Variants in C8orf34 observed in about 807,000 individuals in gnomAD.
The protein encoded by C8orf34 is uncharacterized protein C8orf34.
In C8orf34, 65 loss-of-function variants were observed where a neutral mutation model predicts 68.3. The observed-to-expected ratio is 0.95, with a 90% CI of 0.78 to 1.17. The LOEUF (loss-of-function observed/expected upper bound fraction) is 1.17, where lower values mean the gene tolerates loss of function less well. Among genes scored for constraint, C8orf34 ranks in the 50% most tolerant of loss-of-function variants. C8orf34 has a pLI of 0.00. For missense variants in C8orf34, 664 were observed against 655.4 expected, an observed-to-expected ratio of 1.01 and a Z score of -0.14; for synonymous variants, 244 against 241.2, an observed-to-expected ratio of 1.01 and a Z score of -0.11.
intron 8 of C8orf34, among the ~76,000 whole-genome samples, chr8:68,684,122 T>A (rs187118351): frequency 6.6e-6 from 1 of 152,328 alleles, no homozygotes; most frequent in East Asian, 1.9e-4. Flanking sequence ...TCTTTCATCA[T>A]CTGAATGAAG....
upstream of C8orf34, chr8:68,330,603 A>C: frequency 5.9e-6 from 1 of 168,396 alleles, no homozygotes. Context: ...TTCGAACTGC[A>C]TTTGTAGCTG....
At chr8:68,736,471 G>C (rs943217589) in intron 10 of C8orf34, among the ~76,000 whole-genome samples, 1 of 152,118 alleles carries the variant, frequency 6.6e-6, no homozygotes, top group Non-Finnish European at 1.5e-5. Context: ...ATAGGTGGCA[G>C]TGTAGCTTGC....
intron 9 of C8orf34, among the ~76,000 whole-genome samples, chr8:68,715,967 A>G (rs1298174106): frequency 6.6e-6 from 1 of 152,230 alleles, no homozygotes; most frequent in Admixed American, 6.5e-5. Context: ...TATATACACC[A>G]TGAAATACTA....
intron 11 of C8orf34, among the ~76,000 whole-genome samples, chr8:68,779,259 T>C (rs1022231400): frequency 6.6e-6 from 1 of 151,108 alleles, no homozygotes; most frequent in African/African-American, 2.4e-5. Flanking sequence ...GGAAGCAGCG[T>C]AGTATACTGG....
At chr8:68,409,121 C>T (rs573610974) in intron 1 of C8orf34, among the ~76,000 whole-genome samples, 1 of 152,290 alleles carries the variant, frequency 6.6e-6, no homozygotes, top group African/African-American at 2.4e-5. Context: ...TAGCACATAC[C>T]ATTCTGTACG....
chr8:68,732,880 T>C (rs1049630244), intron 10 of C8orf34, among the ~76,000 whole-genome samples: 1 of 152,146 alleles, frequency 6.6e-6, no homozygotes, highest in Non-Finnish European at 1.5e-5. Flanking sequence ...CTGGCCAATA[T>C]GGCAAAACCC....
chr8:68,747,693 T>A (rs1822550134), intron 10 of C8orf34, among the ~76,000 whole-genome samples: 1 of 152,074 alleles, frequency 6.6e-6, no homozygotes, highest in African/African-American at 2.4e-5. Flanking sequence ...GTGAAGGACC[T>A]CTTCAAGGAG....
rs986544319 is a variant in C8orf34 at position 68,764,690 on chromosome 8, A to G, written c.1405-11709A>G. Among the ~76,000 whole-genome samples, 10 of 152,132 alleles carry G rather than the reference A, an allele frequency of 6.6e-5. No homozygotes were observed. The East Asian group carries it at 1.9e-3, about 29-fold the overall frequency. On this transcript the variant is annotated intron_variant, in intron 10 of 13. Transcript: ENST00000518698. Reference sequence around the variant, plus strand: ...AAGGAGACAAAGAGACAGAAGAGACACTGCCTTTGGGGGCCTCAGGTTTAT... The same window carrying G: ...AAGGAGACAAAGAGACAGAAGAGACGCTGCCTTTGGGGGCCTCAGGTTTAT...
intron 1 of C8orf34, among the ~76,000 whole-genome samples, chr8:68,413,993 T>C (rs531748223): frequency 6.6e-6 from 1 of 152,266 alleles, no homozygotes; most frequent in African/African-American, 2.4e-5. Flanking sequence ...ACTTTAACAA[T>C]TCTTTTTAAT....
At chr8:68,771,836 A>G (rs1233255357) in intron 10 of C8orf34, among the ~76,000 whole-genome samples, 2 of 152,130 alleles carry the variant, frequency 1.3e-5, no homozygotes, top group Non-Finnish European at 2.9e-5. Context: ...TAGCATCTTG[A>G]TCTTACGTGT....
chr8:68,597,711 T>A (rs1817587892), intron 7 of C8orf34, among the ~76,000 whole-genome samples: 1 of 152,112 alleles, frequency 6.6e-6, no homozygotes, highest in African/African-American at 2.4e-5. Context: ...AAGAGAAGTT[T>A]TTCTCATGTT....
At chr8:68,338,400 A>G (rs1002589225) in intron 1 of C8orf34, among the ~76,000 whole-genome samples, 1 of 152,158 alleles carries the variant, frequency 6.6e-6, no homozygotes, top group East Asian at 1.9e-4. Flanking sequence ...GCATTGTCTC[A>G]GTTGGAACAG....
intron 11 of C8orf34, 87 bp downstream of exon 11, chr8:68,776,536 T>G (rs1823524601): frequency 6.5e-6 from 7 of 1,070,478 alleles, no homozygotes. Flanking sequence ...TCCATCTACT[T>G]GTAGGGTTTC....
chr8:68,462,467 C>A (rs1185352197), intron 3 of C8orf34, among the ~76,000 whole-genome samples: 3 of 151,358 alleles, frequency 2.0e-5, no homozygotes, highest in Admixed American at 6.6e-5. Context: ...GAACTCTCCA[C>A]CCCAAATCAA....
intron 12 of C8orf34, among the ~76,000 whole-genome samples, chr8:68,810,542 G>A (rs1206314047): frequency 6.6e-6 from 1 of 152,176 alleles, no homozygotes; most frequent in Non-Finnish European, 1.5e-5. Context: ...GGTGGTGAGT[G>A]AGGGGCATGT....
At chr8:68,385,421 AG>A (rs1808220412) in intron 1 of C8orf34, among the ~76,000 whole-genome samples, 1 of 152,212 alleles carries the variant, frequency 6.6e-6, no homozygotes, top group African/African-American at 2.4e-5. Flanking sequence ...TTTTCAACAT[AG>A]AAAACTAGGT....
At chr8:68,650,502 C>T (rs1163862517) in intron 8 of C8orf34, among the ~76,000 whole-genome samples, 1 of 120,060 alleles carries the variant, frequency 8.3e-6, no homozygotes, top group Non-Finnish European at 1.6e-5. Flanking sequence ...TTTTTTGAGA[C>T]GGAGTCTCGC....
chr8:68,552,417 A>G (rs1453332576), intron 7 of C8orf34, among the ~76,000 whole-genome samples: 1 of 152,112 alleles, frequency 6.6e-6, no homozygotes, highest in Non-Finnish European at 1.5e-5. Context: ...TTCCTTTGTT[A>G]AATTTAGTCC....
At chr8:68,660,883 C>T (rs145496118) in intron 8 of C8orf34, among the ~76,000 whole-genome samples, 1 of 151,514 alleles carries the variant, frequency 6.6e-6, no homozygotes, top group African/African-American at 2.4e-5. Flanking sequence ...GTGTTAACTC[C>T]TGACATAGCT....
Sources: allele counts gnomAD v4.1 joint callset (sites outside exome capture counted in the v4.1 genomes callset), GRCh38; gene constraint gnomAD v4.1.1; transcripts MANE v1.5; gene names NCBI Gene and HGNC (gene_info 2026-07-23, HGNC 2026-07-21).